HSD17B12: variants seen among roughly 807,000 people sequenced by gnomAD.
HSD17B12 encodes the protein hydroxysteroid 17-beta dehydrogenase 12.
Under a neutral mutation model 39.3 loss-of-function variants are expected in HSD17B12, and 32 were observed. The observed-to-expected ratio is 0.81, with a 90% CI of 0.61 to 1.09. The LOEUF (loss-of-function observed/expected upper bound fraction) is 1.09, where lower values mean the gene tolerates loss of function less well. HSD17B12 is among the 50% of genes least tolerant of loss of function. The pLI is 0.00. For synonymous variants in HSD17B12, 150 were observed against 146.7 expected, an observed-to-expected ratio of 1.02 and a Z score of -0.16; for missense variants, 342 against 382.9, an observed-to-expected ratio of 0.89 and a Z score of 0.89.
chr11:43,754,277 G>T (rs1161628009), intron 3 of HSD17B12, 156 bp downstream of exon 3: 5 of 593,544 alleles, frequency 8.4e-6, no homozygotes, highest in Middle Eastern at 4.5e-4. Context: ...TTTAAAAATG[G>T]ATCATCAATT....
chr11:43,746,784 C>A (rs957384112), intron 1 of HSD17B12, among the ~76,000 whole-genome samples: 1 of 152,174 alleles, frequency 6.6e-6, no homozygotes, highest in Non-Finnish European at 1.5e-5. Context: ...AGCATGACCA[C>A]AAACACGTGA....
chr11:43,601,127 T>G, the HSD17B12 span, among the ~76,000 whole-genome samples: 580 of 152,122 alleles, frequency 3.8e-3, 5 homozygotes, highest in African/African-American at 0.013. Context: ...AATGACATTC[T>G]GGCATCCATT....
At chr11:43,569,708 T>A in the HSD17B12 span, 1 of 152,404 alleles carries the variant, frequency 6.6e-6, no homozygotes, top group African/African-American at 2.4e-5. Flanking sequence ...TCCCAGGGAA[T>A]TGTGAGTGAT....
At chr11:43,832,030 G>A (rs1459923451) in intron 7 of HSD17B12, among the ~76,000 whole-genome samples, 1 of 152,206 alleles carries the variant, frequency 6.6e-6, no homozygotes, top group African/African-American at 2.4e-5. Context: ...CAGTTTCTCA[G>A]CAAAGCTCCT....
chr11:43,660,594 G>A, the HSD17B12 span, among the ~76,000 whole-genome samples: 1 of 152,184 alleles, frequency 6.6e-6, no homozygotes, highest in Non-Finnish European at 1.5e-5. Flanking sequence ...GAGCAAACTG[G>A]TACAGCCACT....
chr11:43,654,708 A>T, the HSD17B12 span, among the ~76,000 whole-genome samples: 1 of 151,996 alleles, frequency 6.6e-6, no homozygotes, highest in Non-Finnish European at 1.5e-5. Flanking sequence ...ATGGTTGTAG[A>T]TGTGTGGTGT....
At chr11:43,676,231 G>GTGTGTGTGTGTGTA (rs754199920), upstream of HSD17B12, among the ~76,000 whole-genome samples, 1 of 150,964 alleles carries the variant, frequency 6.6e-6, no homozygotes, top group African/African-American at 2.4e-5. Context: ...GTGTGTGTGT[G>GTGTGTGTGTGTGTA]TGTGTATGTG....
the HSD17B12 span, among the ~76,000 whole-genome samples, chr11:43,634,568 T>C: frequency 6.6e-6 from 1 of 152,238 alleles, no homozygotes; most frequent in Non-Finnish European, 1.5e-5. Flanking sequence ...TTTTAAACTG[T>C]GTGACTACGT....
At chr11:43,770,736 A>G (rs764146035) in intron 3 of HSD17B12, among the ~76,000 whole-genome samples, 10 of 152,200 alleles carry the variant, frequency 6.6e-5, no homozygotes, top group African/African-American at 1.2e-4. Context: ...CCCTGTCTCA[A>G]AAGAAAAAGA....
At chr11:43,636,370 G>A in the HSD17B12 span, among the ~76,000 whole-genome samples, 1 of 152,112 alleles carries the variant, frequency 6.6e-6, no homozygotes, top group Non-Finnish European at 1.5e-5. Flanking sequence ...AAGGACAAGC[G>A]AATCCAGAGT....
chr11:43,809,076 G>C (rs1471584553), intron 4 of HSD17B12, among the ~76,000 whole-genome samples: 1 of 152,178 alleles, frequency 6.6e-6, no homozygotes, highest in Non-Finnish European at 1.5e-5. Context: ...CACTCTCTCA[G>C]AAGGATCTCT....
At chr11:43,723,778 G>A (rs370421835) in intron 1 of HSD17B12, among the ~76,000 whole-genome samples, 7 of 152,146 alleles carry the variant, frequency 4.6e-5, no homozygotes, top group Admixed American at 6.5e-5. Flanking sequence ...GGTCTGCAGC[G>A]CAGTGGTTTA....
At chr11:43,590,135 T>G in the HSD17B12 span, among the ~76,000 whole-genome samples, 2 of 152,062 alleles carry the variant, frequency 1.3e-5, no homozygotes, top group Admixed American at 1.3e-4. Context: ...GTAAAATGAC[T>G]AGGAGTCATG....
chr11:43,751,969 C>T (rs1950468913), intron 2 of HSD17B12, among the ~76,000 whole-genome samples: 1 of 152,174 alleles, frequency 6.6e-6, no homozygotes. Context: ...TGCCCCAATA[C>T]ATCCTTTTAA....
At chr11:43,680,445 C>A, upstream of HSD17B12, 1 of 256,404 alleles carries the variant, frequency 3.9e-6, no homozygotes, top group Non-Finnish European at 7.8e-6. Context: ...CGAACCTGAG[C>A]TCAAACCAGC....
At chr11:43,785,639 G>C (rs538392934) in intron 3 of HSD17B12, among the ~76,000 whole-genome samples, 1 of 152,322 alleles carries the variant, frequency 6.6e-6, no homozygotes, top group East Asian at 1.9e-4. Flanking sequence ...AGAAGAGAAA[G>C]CTATTTTAAT....
At chr11:43,630,381 C>T in the HSD17B12 span, among the ~76,000 whole-genome samples, 29 of 152,184 alleles carry the variant, frequency 1.9e-4, 1 homozygote, top group South Asian at 5.8e-3. Context: ...TCTAAGGGGC[C>T]CAGCTATACT....
chr11:43,735,246 T>G (rs575597943), intron 1 of HSD17B12, among the ~76,000 whole-genome samples: 1 of 152,350 alleles, frequency 6.6e-6, no homozygotes, highest in East Asian at 1.9e-4. Context: ...TATACAAGTT[T>G]CTGTTTGAAT....
chr11:43,580,218 G>T, the HSD17B12 span, among the ~76,000 whole-genome samples: 44 of 151,784 alleles, frequency 2.9e-4, no homozygotes, highest in Non-Finnish European at 5.3e-4. Context: ...GGGAGAGTGA[G>T]GGAAGGAGAT....
Sources: allele counts gnomAD v4.1 joint callset (sites outside exome capture counted in the v4.1 genomes callset), GRCh38; gene constraint gnomAD v4.1.1; transcripts MANE v1.5; gene names NCBI Gene and HGNC (gene_info 2026-07-23, HGNC 2026-07-21).